SHANK2: variants seen among roughly 807,000 people sequenced by gnomAD.
The protein encoded by SHANK2 is SH3 and multiple ankyrin repeat domains 2, also known as SH3 and multiple ankyrin repeat domains protein 2.
A neutral mutation model predicts 133.7 loss-of-function variants in SHANK2; 43 were observed. The observed-to-expected ratio is 0.32, with a 90% CI of 0.25 to 0.41. The LOEUF is 0.41. SHANK2 is among the 10% of genes least tolerant of loss of function. The probability of loss-of-function intolerance (pLI) is 1.00; values close to 1 mark genes in which losing one functional copy is unlikely to be tolerated. For missense variants in SHANK2, 1,994 were observed against 2,235.8 expected (o/e 0.89, Z 2.18); for synonymous variants, 1,017 against 952.8 (o/e 1.07, Z -1.24).
chr11:70,524,994 C>G (rs1043562689), intron 17 of SHANK2, among the ~76,000 whole-genome samples: 5 of 152,232 alleles, frequency 3.3e-5, no homozygotes, highest in Admixed American at 6.5e-5. Flanking sequence ...CCTCTGCAAG[C>G]CTGCCCGCTT....
chr11:70,738,743 A>C (rs1555034120), intron 14 of SHANK2, among the ~76,000 whole-genome samples: 2 of 152,230 alleles, frequency 1.3e-5, no homozygotes, highest in Non-Finnish European at 2.9e-5. Flanking sequence ...AATAGAGCCA[A>C]CTAGCCAGAA....
intron 17 of SHANK2, among the ~76,000 whole-genome samples, chr11:70,594,205 C>T (rs1166009140): frequency 2.0e-5 from 3 of 152,310 alleles, no homozygotes; most frequent in South Asian, 2.1e-4. Flanking sequence ...GGATATGATT[C>T]GGCCACAAAA....
At chr11:71,201,358 C>T (rs528475699) in intron 2 of SHANK2, among the ~76,000 whole-genome samples, 2 of 152,336 alleles carry the variant, frequency 1.3e-5, no homozygotes, top group Admixed American at 1.3e-4. Context: ...CTTTCCACGC[C>T]TCAGGAGAGC....
intron 3 of SHANK2, among the ~76,000 whole-genome samples, chr11:71,140,845 G>A (rs551068208): frequency 2.6e-5 from 4 of 152,338 alleles, no homozygotes; most frequent in African/African-American, 9.6e-5. Flanking sequence ...CCCACGCAGC[G>A]CTGCCTGCTG....
intron 11 of SHANK2, among the ~76,000 whole-genome samples, chr11:70,867,504 G>A (rs1289145394): frequency 1.3e-5 from 2 of 152,196 alleles, no homozygotes; most frequent in Non-Finnish European, 2.9e-5. Context: ...GGGGCAGGAC[G>A]GGCCAAAGCT....
intron 9 of SHANK2, among the ~76,000 whole-genome samples, chr11:71,071,759 G>A (rs1320967643): frequency 6.6e-6 from 1 of 152,174 alleles, no homozygotes; most frequent in Non-Finnish European, 1.5e-5. Context: ...AGGAGCCATG[G>A]AAGGGCTGGG....
At chr11:71,071,664 T>G (rs1951143848) in intron 9 of SHANK2, among the ~76,000 whole-genome samples, 3 of 152,312 alleles carry the variant, frequency 2.0e-5, no homozygotes, top group African/African-American at 7.2e-5. Context: ...CATAGGAGTT[T>G]TCCAGGGCAA....
intron 1 of SHANK2, among the ~76,000 whole-genome samples, chr11:71,244,892 T>G (rs1408769646): frequency 6.6e-6 from 1 of 152,084 alleles, no homozygotes; most frequent in African/African-American, 2.4e-5. Flanking sequence ...TTAGTGGAGA[T>G]GGGGTTTCAC....
chr11:71,151,740 C>A (rs188191598), intron 2 of SHANK2, among the ~76,000 whole-genome samples: 1 of 152,212 alleles, frequency 6.6e-6, no homozygotes. Flanking sequence ...ACGGCCCACA[C>A]TGGTTCTGCC....
chr11:70,574,753 T>A (rs1038840955), intron 17 of SHANK2, among the ~76,000 whole-genome samples: 2 of 152,062 alleles, frequency 1.3e-5, no homozygotes, highest in African/African-American at 2.4e-5. Context: ...GGGGTCTCAG[T>A]CTATGAACTG....
Position 71,088,648 on chromosome 11 carries a change from G to C in SHANK2, c.912+3774C>G, listed in dbSNP as rs1951451433. On this transcript the variant is annotated intron_variant, in intron 8 of 25. Coordinates refer to ENST00000601538, the MANE Select transcript of SHANK2 (RefSeq NM_012309.5). ...TTCCATGACTCCCGCCCCTCGCCCA[G>C]CCATGTTTGCTGGTAGAAATGTCTC... Among the ~76,000 whole-genome samples the C allele has an allele frequency of 2.0e-5, 3 of 152,302 alleles. No homozygotes were observed. In the East Asian group the frequency reaches 5.8e-4, roughly 29 times the overall value.
At chr11:70,874,383 C>G (rs1949522888) in intron 11 of SHANK2, among the ~76,000 whole-genome samples, 2 of 152,144 alleles carry the variant, frequency 1.3e-5, no homozygotes, top group African/African-American at 4.8e-5. Flanking sequence ...GTCTCTGTTA[C>G]ACACACTGGA....
chr11:70,885,269 C>A (rs1271208174), intron 11 of SHANK2, among the ~76,000 whole-genome samples: 1 of 152,140 alleles, frequency 6.6e-6, no homozygotes, highest in South Asian at 2.1e-4. Context: ...TCTGCCCTTC[C>A]GTGGGGGATG....
At chr11:71,212,952 C>T (rs1250655916) in intron 2 of SHANK2, among the ~76,000 whole-genome samples, 1 of 148,960 alleles carries the variant, frequency 6.7e-6, no homozygotes, top group Non-Finnish European at 1.5e-5. Flanking sequence ...AGCAGGGACC[C>T]CAGGCGGAGG....
chr11:70,912,625 T>C (rs1411659579), intron 10 of SHANK2, among the ~76,000 whole-genome samples: 1 of 152,188 alleles, frequency 6.6e-6, no homozygotes, highest in Non-Finnish European at 1.5e-5. Context: ...ACCATGATGA[T>C]GCATCGTGCA....
At chr11:71,241,053 T>C (rs1175878591) in intron 1 of SHANK2, 3 of 152,076 alleles carry the variant, frequency 2.0e-5, no homozygotes, top group African/African-American at 7.2e-5. Context: ...GTGGGTGGGA[T>C]TGTAACTTGG....
intron 2 of SHANK2, among the ~76,000 whole-genome samples, chr11:71,220,917 T>C (rs1954521967): frequency 6.6e-6 from 1 of 152,130 alleles, no homozygotes; most frequent in African/African-American, 2.4e-5. Context: ...ATCGTGAAGA[T>C]GGGCCAGGCA....
rs1221420320 is a variant in SHANK2, at chr11:70,479,435, C to T, written c.4979+5879G>A. On this transcript the variant is annotated intron_variant, in intron 25 of 25. Coordinates refer to ENST00000601538, the MANE Select transcript of SHANK2 (RefSeq NM_012309.5). This position sits in a 1 kb window ranked among gnomAD's most constrained non-coding sequence, Gnocchi z 4.4. ...TACCGTGAGGCAGCAGGCGCAGGGG[C>T]CTCGGGAGGAAAACTCGCCTGAGCT... 5.3e-5 allele frequency among the ~76,000 whole-genome samples: 8 copies of T among 152,218 alleles called. No individual in the cohort carries two copies. Among genetic ancestry groups the T allele is most frequent in the Non-Finnish European group, 8.8e-5 (6 of 68,036 alleles).
chr11:70,599,510 G>A (rs1339246484), intron 17 of SHANK2, among the ~76,000 whole-genome samples: 1 of 130,966 alleles, frequency 7.6e-6, no homozygotes, highest in African/African-American at 2.7e-5. Flanking sequence ...GGGAGGCTGA[G>A]GCAGGAGAAT....
Sources: gnomAD v4.1 joint callset for allele counts (sites outside exome capture counted in the v4.1 genomes callset) on GRCh38, gnomAD v4.1.1 for gene constraint, Gnocchi (gnomAD v3.1) non-coding constraint, MANE v1.5 for transcripts, NCBI Gene and HGNC (gene_info 2026-07-23, HGNC 2026-07-21) for gene names.